DRP2: variants seen among roughly 807,000 people sequenced by gnomAD.
The protein encoded by DRP2 is dystrophin related protein 2, also known as dystrophin-related protein 2.
In DRP2, 29 loss-of-function variants were observed where a neutral mutation model predicts 78.2. The observed-to-expected ratio is 0.37, with a 90% CI of 0.28 to 0.51. The LOEUF (loss-of-function observed/expected upper bound fraction) is 0.51. Among genes scored for constraint, DRP2 ranks in the 20% least tolerant of loss-of-function variants. The pLI is 0.94. For missense variants in DRP2, 686 were observed against 770.6 expected (o/e 0.89, Z 1.30); for synonymous variants, 290 against 281.9 (o/e 1.03, Z -0.29).
Position 101,235,840 on chromosome X carries a change from A to T in DRP2, c.118-20A>T. On this transcript the variant is annotated intron_variant, in intron 3 of 23. Coordinates refer to ENST00000395209, the MANE Select transcript of DRP2 (RefSeq NM_001939.3). ...TGTGGCACAATCCAAGGATCACAGGATGTTTGTGTTTCTGTCCAGGTTAGA... is the reference window on the plus strand; with the variant it reads ...TGTGGCACAATCCAAGGATCACAGGTTGTTTGTGTTTCTGTCCAGGTTAGA... The T allele has an allele frequency of 8.4e-7, 1 of 1,194,259 alleles. No individual in the cohort carries two copies.
chrX:101,248,288 T>C lies in DRP2; in HGVS notation c.1452T>C (p.Asp484=). The C allele has an allele frequency of 8.3e-7, 1 of 1,209,455 alleles. No homozygotes were observed. Among genetic ancestry groups the C allele is most frequent in the Non-Finnish European group, 1.1e-6 (1 of 893,790 alleles). ...MSLNWLLNVF[D]SGRSGKMRAL... ...TCAATTGGCTCCTCAATGTTTTTGA[T>C]AGGTAAGGGCTTTCAGCTCTGGAAG... Residue 484 remains aspartate (D), a splice_region_variant and synonymous_variant, in exon 13 of 24, where the codon GAT becomes GAC. Transcript: ENST00000395209.
intron 11 of DRP2, among the ~76,000 whole-genome samples, chrX:101,246,061 T>C (rs1922922535): frequency 8.9e-6 from 1 of 112,277 alleles, no homozygotes; most frequent in African/African-American, 3.2e-5. Flanking sequence ...TCTGTAAAGC[T>C]TTTTATATGT....
chrX:101,234,765 G>A (rs189127381), intron 3 of DRP2, among the ~76,000 whole-genome samples: 2 of 110,525 alleles, frequency 1.8e-5, no homozygotes, highest in African/African-American at 3.3e-5. Flanking sequence ...TCCCTTTCTC[G>A]GTGTGGCTGT....
intron 20 of DRP2, 140 bp from the exon 21 acceptor site, chrX:101,255,978 C>T: frequency 1.3e-6 from 1 of 762,487 alleles, no homozygotes; most frequent in Non-Finnish European, 1.7e-6. Flanking sequence ...CCTCTCAAGC[C>T]TCAGTATATG....
At chrX:101,221,378 C>T (rs1602902330) in intron 1 of DRP2, among the ~76,000 whole-genome samples, 2 of 112,045 alleles carry the variant, frequency 1.8e-5, no homozygotes, top group East Asian at 5.6e-4. Context: ...CTAAGGTTTG[C>T]GTGGGGAGAT....
chrX:101,251,825 A>C (rs904171832), intron 16 of DRP2: 3 of 112,038 alleles, frequency 2.7e-5, no homozygotes, highest in African/African-American at 9.7e-5. Flanking sequence ...AATACATCTG[A>C]GGTCTCCTTG....
At chrX:101,247,952 G>A (rs976122152) in intron 12 of DRP2, 137 bp from the exon 13 acceptor site, 55 of 547,984 alleles carry the variant, frequency 1.0e-4, no homozygotes, top group Non-Finnish European at 1.6e-4. Context: ...TAAAGGACAA[G>A]CTTGTATCAT....
intron 9 of DRP2, among the ~76,000 whole-genome samples, chrX:101,244,767 G>T (rs1434201941): frequency 8.9e-6 from 1 of 112,625 alleles, no homozygotes; most frequent in Non-Finnish European, 1.9e-5. Context: ...TCATGCCCTT[G>T]CCACATCTCT....
chrX:101,225,366 G>T (rs934051128), intron 2 of DRP2, among the ~76,000 whole-genome samples: 1 of 111,130 alleles, frequency 9.0e-6, no homozygotes, highest in Non-Finnish European at 1.9e-5. Context: ...AATTTACAGA[G>T]GCAGAATAGC....
At chrX:101,232,496 T>G (rs1922342129) in intron 3 of DRP2, among the ~76,000 whole-genome samples, 1 of 110,982 alleles carries the variant, frequency 9.0e-6, no homozygotes, top group South Asian at 3.9e-4. Flanking sequence ...GCCTCACAGA[T>G]GGGCTGCAGT....
At chrX:101,226,290 T>G (rs1006141319) in intron 2 of DRP2, among the ~76,000 whole-genome samples, 1 of 112,355 alleles carries the variant, frequency 8.9e-6, no homozygotes, top group African/African-American at 3.2e-5. Context: ...ATTTCAAGCC[T>G]TGTTTCAAAT....
rs1250653273 is a variant in DRP2 at position 101,263,495 on chromosome X, C to G, written c.*2874C>G. On this transcript the variant is annotated 3_prime_UTR_variant, in exon 24 of 24. Coordinates refer to ENST00000395209, the MANE Select transcript of DRP2 (RefSeq NM_001939.3). ...GGACTGAGAGGTGATTTCTTCTTGA[C>G]AGAATTTGATAGAGGCCAAAAAGCC... 8.9e-6 allele frequency: 1 copy of G among 111,948 alleles called. No individual in the cohort carries two copies. Among genetic ancestry groups the G allele is most frequent in the African/African-American group, 3.2e-5 (1 of 30,799 alleles). The allele number at this position is 111,948 out of a possible 1,213,427, so 9.2% of individuals were successfully genotyped here.
rs185272786 is a variant in DRP2, at chrX:101,256,693, C to T, written c.2390+432C>T. On this transcript the variant is annotated intron_variant, in intron 21 of 23. Coordinates refer to ENST00000395209, the MANE Select transcript of DRP2 (RefSeq NM_001939.3). ...CGTCCCGAGTAGCTGGGACTACAGG[C>T]ATGCACCACCATGCCTGGCTAATTT... Among the ~76,000 whole-genome samples the T allele has an allele frequency of 4.3e-3, 431 of 100,414 alleles. 5 individuals carry two copies. The highest frequency in any genetic ancestry group is 0.016 in the African/African-American group (422 of 26,609). 87.2% of individuals were successfully genotyped at this position (100,414 alleles called of 115,157 possible).
Position 101,242,579 on chromosome X carries a change from G to A in DRP2, c.975+108G>A, listed in dbSNP as rs1165878954. 8 of 955,786 alleles carry A rather than the reference G, an allele frequency of 8.4e-6. No individual in the cohort carries two copies. In the African/African-American group the frequency reaches 9.8e-5, roughly 12 times the overall value. The allele number at this position is 955,786 out of a possible 1,213,427, so 78.8% of individuals were successfully genotyped here. ...ATAGGATCTGCATGGGAAAAGAGGA[G>A]TGGAGAATGTGGAGCTAGGGAATGG... On this transcript the variant is annotated intron_variant, in intron 8 of 23. Transcript: ENST00000395209.
rs756298936 is a variant in DRP2, at chrX:101,239,098, A to G, written c.556A>G (p.Lys186Glu). The G allele has an allele frequency of 4.1e-6, 5 of 1,209,214 alleles. No homozygotes were observed. The African/African-American group carries it at 8.7e-5, about 21-fold the overall frequency. Residue 186 changes from lysine to glutamate, a missense_variant, in exon 6 of 24, where the codon AAA (lysine) becomes GAA (glutamate). Lys to Glu is a moderately conservative substitution (Grantham distance 56, BLOSUM62 1). Coordinates refer to ENST00000395209, the MANE Select transcript of DRP2 (RefSeq NM_001939.3). ...GTTAGAGGAGCCTCATTCTGAGAGC[A>G]AAGGTAGGTGGTCTTCTGTTTTTCC... ...EELEEPHSES[K>E]DTSPKQRIQN...
chrX:101,244,411 G>A (rs1922852048), intron 9 of DRP2, among the ~76,000 whole-genome samples: 1 of 112,081 alleles, frequency 8.9e-6, no homozygotes. Flanking sequence ...TTGGCATACA[G>A]CTATACCTGC....
intron 2 of DRP2, among the ~76,000 whole-genome samples, chrX:101,229,778 C>T (rs1235053472): frequency 8.9e-6 from 1 of 111,735 alleles, no homozygotes; most frequent in Admixed American, 9.5e-5. Flanking sequence ...TTATTATTTG[C>T]AAGCATCATC....
At chrX:101,235,348 A>G (rs1256773936) in intron 3 of DRP2, among the ~76,000 whole-genome samples, 3 of 112,353 alleles carry the variant, frequency 2.7e-5, no homozygotes, top group Non-Finnish European at 5.6e-5. Flanking sequence ...TGGACCACTG[A>G]TAGTTCTCTC....
chrX:101,229,099 A>G (rs914911168), intron 2 of DRP2, among the ~76,000 whole-genome samples: 5 of 112,367 alleles, frequency 4.4e-5, no homozygotes, highest in Non-Finnish European at 9.4e-5. Flanking sequence ...GGGTGGTAAT[A>G]TTACAGATTA....
Sources: allele counts gnomAD v4.1 joint callset (sites outside exome capture counted in the v4.1 genomes callset), GRCh38; gene constraint gnomAD v4.1.1; transcripts MANE v1.5; gene names NCBI Gene and HGNC (gene_info 2026-07-23, HGNC 2026-07-21).